Variants in CDK8 observed in about 807,000 individuals in gnomAD.
The protein encoded by CDK8 is cyclin dependent kinase 8, also known as cyclin-dependent kinase 8.
In CDK8, 29 loss-of-function variants were observed where a neutral mutation model predicts 71.5. The observed-to-expected ratio is 0.41, with a 90% CI of 0.30 to 0.55. The LOEUF is 0.55. Among genes scored for constraint, CDK8 ranks in the 20% least tolerant of loss-of-function variants. The pLI, the probability that CDK8 is intolerant of heterozygous loss-of-function variation, is 0.37. For missense variants in CDK8, 288 were observed against 572.6 expected, an observed-to-expected ratio of 0.50 and a Z score of 5.07; for synonymous variants, 161 against 192.1, an observed-to-expected ratio of 0.84 and a Z score of 1.34.
At chr13:26,377,915 C>G (rs1299562223) in intron 4 of CDK8, among the ~76,000 whole-genome samples, 1 of 152,184 alleles carries the variant, frequency 6.6e-6, no homozygotes, top group African/African-American at 2.4e-5. Context: ...TACCACCAGG[C>G]TGTGTTATTT....
At position 26,368,572 on chromosome 13, in the gene CDK8, G is replaced by A. The variant is rs553422679; in HGVS notation, c.457-14242G>A. Among the ~76,000 whole-genome samples the A allele has an allele frequency of 2.6e-5, 4 of 152,238 alleles. No homozygotes were observed. In the South Asian group the frequency reaches 8.3e-4, roughly 32 times the overall value. On this transcript the variant is annotated intron_variant, in intron 4 of 12. Transcript: ENST00000381527. ...TTTCAGAAATTCTAAGATTTAAAAA[G>A]AAAAGTAAAAATTGGAATCCATGAA...
intron 1 of CDK8, among the ~76,000 whole-genome samples, chr13:26,277,812 G>T (rs115188441): frequency 2.4e-4 from 36 of 152,208 alleles, no homozygotes; most frequent in African/African-American, 8.4e-4. Flanking sequence ...TGATAGATTC[G>T]TATTTAGTTA....
At chr13:26,363,601 C>T (rs1371431035) in intron 4 of CDK8, among the ~76,000 whole-genome samples, 1 of 151,994 alleles carries the variant, frequency 6.6e-6, no homozygotes, top group Non-Finnish European at 1.5e-5. Context: ...GGCTCTTGGG[C>T]TCAAGCAGTT....
At chr13:26,396,675 A>G (rs1261964152) in intron 8 of CDK8, among the ~76,000 whole-genome samples, 3 of 152,116 alleles carry the variant, frequency 2.0e-5, no homozygotes, top group Admixed American at 6.5e-5. Context: ...AAATAAATAA[A>G]CTTTGGTAAT....
intron 1 of CDK8, among the ~76,000 whole-genome samples, chr13:26,306,306 A>T (rs1215440015): frequency 6.6e-6 from 1 of 152,168 alleles, no homozygotes; most frequent in African/African-American, 2.4e-5. Flanking sequence ...CTACAAGACT[A>T]TCAGAAGCAT....
At chr13:26,309,646 C>T (rs571735478) in intron 1 of CDK8, among the ~76,000 whole-genome samples, 2 of 152,244 alleles carry the variant, frequency 1.3e-5, no homozygotes, top group East Asian at 3.9e-4. Flanking sequence ...ACATTCTCTC[C>T]CTAGGTGTTT....
chr13:26,315,404 A>G (rs1874462661), intron 1 of CDK8, among the ~76,000 whole-genome samples: 2 of 152,160 alleles, frequency 1.3e-5, no homozygotes, highest in Non-Finnish European at 2.9e-5. Context: ...CACTGACAAG[A>G]GCAGGGAGGA....
intron 3 of CDK8, among the ~76,000 whole-genome samples, chr13:26,353,280 G>A (rs1407536704): frequency 1.3e-5 from 2 of 151,826 alleles, no homozygotes; most frequent in Non-Finnish European, 2.9e-5. Context: ...TCATTTCTTT[G>A]TGCTTGTGTG....
intron 4 of CDK8, among the ~76,000 whole-genome samples, chr13:26,363,327 C>CAACAAAAAAAAAA (rs1555232823): frequency 2.2e-5 from 1 of 45,240 alleles, no homozygotes; most frequent in Non-Finnish European, 3.5e-5. Context: ...GACTCCATCT[C>CAACAAAAAAAAAA]AAAAAAAAAA....
chr13:26,329,640 T>C (rs1175718), intron 1 of CDK8, among the ~76,000 whole-genome samples: 59,726 of 151,618 alleles, frequency 0.39, 11,889 homozygotes, highest in East Asian at 0.54. Flanking sequence ...GTAGCTGGGA[T>C]TACAGGCACC....
At chr13:26,378,370 G>A (rs1218246307) in intron 4 of CDK8, among the ~76,000 whole-genome samples, 3 of 152,178 alleles carry the variant, frequency 2.0e-5, no homozygotes, top group Admixed American at 2.0e-4. Context: ...TGCCAGAATG[G>A]TTGTCTCTGC....
intron 4 of CDK8, among the ~76,000 whole-genome samples, chr13:26,371,864 C>T (rs540264753): frequency 6.6e-6 from 1 of 152,210 alleles, no homozygotes; most frequent in South Asian, 2.1e-4. Context: ...GTTATCCGCC[C>T]GCCTCAGCCT....
At position 26,282,680 on chromosome 13, in the gene CDK8, A is replaced by G. The variant is rs184194931; in HGVS notation, c.128+27911A>G. On this transcript the variant is annotated intron_variant, in intron 1 of 12. Coordinates refer to ENST00000381527, the MANE Select transcript of CDK8 (RefSeq NM_001260.3). ...GGAAGCAAAAAGGTATTCAGGCAAC[A>G]AATAGCACGATGAATAAAACAGTAC... Among the ~76,000 whole-genome samples the G allele has an allele frequency of 4.2e-3, 646 of 152,316 alleles. 18 individuals are homozygous for G. Among genetic ancestry groups the G allele is most frequent in the Non-Finnish European group, 9.1e-4 (62 of 68,026 alleles).
chr13:26,340,633 GT>G (rs988674401), intron 2 of CDK8, among the ~76,000 whole-genome samples: 9 of 152,164 alleles, frequency 5.9e-5, no homozygotes, highest in African/African-American at 2.2e-4. Flanking sequence ...CCTCGAAGAA[GT>G]TGTGCGTCCC....
At chr13:26,357,749 A>G (rs556496840) in intron 4 of CDK8, among the ~76,000 whole-genome samples, 16 of 152,334 alleles carry the variant, frequency 1.1e-4, no homozygotes, top group African/African-American at 3.4e-4. Context: ...CTGGAGACCC[A>G]GGAAAAAGTT....
intron 1 of CDK8, among the ~76,000 whole-genome samples, chr13:26,272,932 T>C (rs1040766877): frequency 2.0e-5 from 3 of 152,230 alleles, no homozygotes; most frequent in African/African-American, 7.2e-5. Flanking sequence ...TCTTTTTACT[T>C]TCTTGTTGGT....
At chr13:26,291,283 ACT>A (rs1220228596) in intron 1 of CDK8, among the ~76,000 whole-genome samples, 5 of 152,084 alleles carry the variant, frequency 3.3e-5, no homozygotes. Context: ...GTGTAAGTAC[ACT>A]CTGTGATGTT....
At chr13:26,258,494 T>G (rs192104736) in intron 1 of CDK8, among the ~76,000 whole-genome samples, 3,648 of 132,776 alleles carry the variant, frequency 0.027, 132 homozygotes, top group African/African-American at 0.081. Context: ...TCTAGAGGGG[T>G]GTGTGTGTGT....
intron 4 of CDK8, among the ~76,000 whole-genome samples, chr13:26,360,772 T>C (rs1263791606): frequency 6.6e-6 from 1 of 152,232 alleles, no homozygotes; most frequent in African/African-American, 2.4e-5. Context: ...TTTTACCTAA[T>C]GCTTATGCAT....
Sources: allele counts gnomAD v4.1 joint callset (sites outside exome capture counted in the v4.1 genomes callset), GRCh38; gene constraint gnomAD v4.1.1; transcripts MANE v1.5; gene names NCBI Gene and HGNC (gene_info 2026-07-23, HGNC 2026-07-21).